The following CAMTA1 variants were observed in gnomAD, a reference collection of about 807,000 sequenced individuals.
CAMTA1 encodes the protein calmodulin binding transcription activator 1.
Under a neutral mutation model 170.9 loss-of-function variants are expected in CAMTA1, and 27 were observed. That is an observed-to-expected ratio of 0.16 (90% confidence interval 0.12 to 0.22). CAMTA1 has a LOEUF of 0.22. Among genes scored for constraint, CAMTA1 ranks in the 10% least tolerant of loss-of-function variants. The probability of loss-of-function intolerance (pLI) is 1.00; values close to 1 mark genes in which losing one functional copy is unlikely to be tolerated. For synonymous variants in CAMTA1, 833 were observed against 891.5 expected (o/e 0.93, Z 1.17); for missense variants, 1,619 against 2,217.2 (o/e 0.73, Z 5.42).
chr1:7,538,349 G>A (rs1374878305), intron 6 of CAMTA1, among the ~76,000 whole-genome samples: 1 of 148,266 alleles, frequency 6.7e-6, no homozygotes, highest in Non-Finnish European at 1.5e-5. Flanking sequence ...AAGGAGTTAT[G>A]TATTCTTTTC....
chr1:7,507,338 G>T (rs1332570823), intron 6 of CAMTA1, among the ~76,000 whole-genome samples: 9 of 152,104 alleles, frequency 5.9e-5, no homozygotes, highest in Admixed American at 5.9e-4. Flanking sequence ...CTGCCTCCTG[G>T]CTGCTCTGAT....
chr1:6,989,886 G>C (rs527255560), intron 3 of CAMTA1, among the ~76,000 whole-genome samples: 1 of 152,182 alleles, frequency 6.6e-6, no homozygotes, highest in Non-Finnish European at 1.5e-5. Flanking sequence ...TGAGTCCTGG[G>C]CTGGAGGAAT....
Position 7,565,340 on chromosome 1 carries a change from G to A in CAMTA1, c.511-75060G>A, listed in dbSNP as rs542712030. ...GTGAGGCAGGCTGTGGGGCAGTGGG[G>A]TGAGTCTCTGAGCAGGGGCAGAAGG... is the stretch of plus-strand genomic sequence containing the variant. On this transcript the variant is annotated intron_variant, in intron 6 of 22. Transcript: ENST00000303635. This position sits in a 1 kb window ranked among gnomAD's most constrained non-coding sequence, Gnocchi z 4.5. Among the ~76,000 whole-genome samples, 4 of 152,318 alleles carry A rather than the reference G, an allele frequency of 2.6e-5. No homozygotes were observed. The East Asian group carries it at 7.7e-4, about 29-fold the overall frequency.
At chr1:6,935,370 A>C (rs1473496162) in intron 3 of CAMTA1, among the ~76,000 whole-genome samples, 1 of 152,086 alleles carries the variant, frequency 6.6e-6, no homozygotes, top group African/African-American at 2.4e-5. Context: ...GTCCAGATTT[A>C]TTACCCTGGC....
intron 6 of CAMTA1, among the ~76,000 whole-genome samples, chr1:7,594,295 A>G (rs558154144): frequency 4.1e-4 from 62 of 152,202 alleles, no homozygotes; most frequent in Non-Finnish European, 8.1e-4. Context: ...GCACAGAAGC[A>G]GCCTTTTAAG....
chr1:7,240,131 T>C (rs916005520), intron 4 of CAMTA1, among the ~76,000 whole-genome samples: 1 of 152,212 alleles, frequency 6.6e-6, no homozygotes, highest in African/African-American at 2.4e-5. Context: ...TCAGCCACCA[T>C]TGATGATCCA....
At chr1:6,955,674 G>T (rs1219515373) in intron 3 of CAMTA1, among the ~76,000 whole-genome samples, 1 of 152,148 alleles carries the variant, frequency 6.6e-6, no homozygotes, top group Non-Finnish European at 1.5e-5. Context: ...TGCTGTGCCC[G>T]GTCCCTAGCT....
intron 5 of CAMTA1, among the ~76,000 whole-genome samples, chr1:7,279,435 C>T (rs560103591): frequency 4.6e-5 from 7 of 152,050 alleles, no homozygotes; most frequent in Admixed American, 3.3e-4. Flanking sequence ...GCAGATGGCC[C>T]GGGTCTTGGA....
chr1:7,413,875 A>T (rs2090972167), intron 5 of CAMTA1, among the ~76,000 whole-genome samples: 1 of 152,168 alleles, frequency 6.6e-6, no homozygotes, highest in African/African-American at 2.4e-5. Flanking sequence ...CCCATTCAGT[A>T]TGATATTGGC....
rs1013064532 is a variant in CAMTA1 at position 7,286,316 on chromosome 1, A to T, written c.438+36690A>T. Among the ~76,000 whole-genome samples the T allele has an allele frequency of 6.6e-6, 1 of 152,176 alleles. No individual in the cohort carries two copies. Among genetic ancestry groups the T allele is most frequent in the Non-Finnish European group, 1.5e-5 (1 of 68,034 alleles). ...GCCAGGGTGTGCCACGTGCTTTTAGAGCTGCCCCAGCAACGATTCTTGATT... is the reference window on the plus strand; with the variant it reads ...GCCAGGGTGTGCCACGTGCTTTTAGTGCTGCCCCAGCAACGATTCTTGATT... On this transcript the variant is annotated intron_variant, in intron 5 of 22. Coordinates refer to ENST00000303635, the MANE Select transcript of CAMTA1 (RefSeq NM_015215.4). The surrounding 1 kb of genome is among the most constrained non-coding windows in gnomAD (Gnocchi z 4.2).
rs1553291545 is a variant in CAMTA1 at position 7,257,076 on chromosome 1, C to CAG, written c.438+7450_438+7451insAG. ...CCCACTTCCACATACCATCGCATGGCGGGGGCGGGGGTTGGTTTTCATCAT... is the reference window on the plus strand; with the variant it reads ...CCCACTTCCACATACCATCGCATGGCAGGGGGGCGGGGGTTGGTTTTCATCAT... On this transcript the variant is annotated intron_variant, in intron 5 of 22. Coordinates refer to ENST00000303635, the MANE Select transcript of CAMTA1 (RefSeq NM_015215.4). Among the ~76,000 whole-genome samples, 59 of 135,212 alleles carry CAG rather than the reference C, an allele frequency of 4.4e-4. 2 individuals carry two copies. The highest frequency in any genetic ancestry group is 4.1e-3 in the Middle Eastern group (1 of 244). The allele number at this position is 135,212 out of a possible 152,430, so 88.7% of individuals were successfully genotyped here.
At chr1:7,618,908 A>G (rs968774938) in intron 6 of CAMTA1, among the ~76,000 whole-genome samples, 3 of 152,038 alleles carry the variant, frequency 2.0e-5, no homozygotes, top group Admixed American at 2.0e-4. Flanking sequence ...TAATCCAGAA[A>G]TGCTTTATTC....
In CAMTA1 at chr1:7,463,176, C is replaced by T. The variant is rs796850593; in HGVS notation, c.439-4654C>T. On this transcript the variant is annotated intron_variant, in intron 5 of 22. Coordinates refer to ENST00000303635, the MANE Select transcript of CAMTA1 (RefSeq NM_015215.4). This position sits in a 1 kb window ranked among gnomAD's most constrained non-coding sequence, Gnocchi z 4.7. The stretch of plus-strand genomic sequence containing the variant: ...TGACCTTCAGGCCCCATCTGCTCCC[C>T]GGGGCTCCATGCCCTAAGCATGCTC... 9.2e-5 allele frequency among the ~76,000 whole-genome samples: 14 copies of T among 152,122 alleles called. 2 individuals are homozygous for T. The highest frequency in any genetic ancestry group is 2.7e-4 in the African/African-American group (11 of 41,398).
chr1:7,486,601 G>C (rs80042390), intron 6 of CAMTA1, among the ~76,000 whole-genome samples: 4 of 152,208 alleles, frequency 2.6e-5, no homozygotes, highest in African/African-American at 9.7e-5. Context: ...CTGACTTCCA[G>C]GGTGGTCTCT....
intron 6 of CAMTA1, among the ~76,000 whole-genome samples, chr1:7,542,466 C>T (rs1160512769): frequency 6.6e-6 from 1 of 152,016 alleles, no homozygotes; most frequent in Non-Finnish European, 1.5e-5. Context: ...GACAGAGTCT[C>T]ACTTTGTTGC....
chr1:7,081,743 C>A (rs188478120), intron 3 of CAMTA1, among the ~76,000 whole-genome samples: 2 of 152,200 alleles, frequency 1.3e-5, no homozygotes, highest in East Asian at 3.8e-4. Flanking sequence ...AGCTTCTCAG[C>A]GCCAAGCAGT....
chr1:7,739,891 A>G (rs1055620903), intron 16 of CAMTA1, among the ~76,000 whole-genome samples: 14 of 152,220 alleles, frequency 9.2e-5, no homozygotes, highest in Admixed American at 7.9e-4. Flanking sequence ...TATGGGAGCT[A>G]CAATTCAAGA....
At chr1:7,243,241 A>G (rs1387592595) in intron 4 of CAMTA1, among the ~76,000 whole-genome samples, 1 of 152,190 alleles carries the variant, frequency 6.6e-6, no homozygotes, top group Non-Finnish European at 1.5e-5. Context: ...TTCCTTTCAA[A>G]TAAACTTTAC....
At chr1:6,870,771 T>C (rs1472878100) in intron 3 of CAMTA1, among the ~76,000 whole-genome samples, 1 of 152,228 alleles carries the variant, frequency 6.6e-6, no homozygotes, top group Non-Finnish European at 1.5e-5. Flanking sequence ...CTTTGTAGAA[T>C]CTGCTGTCTA....
Sources: allele counts gnomAD v4.1 joint callset (sites outside exome capture counted in the v4.1 genomes callset), GRCh38; gene constraint gnomAD v4.1.1; non-coding constraint Gnocchi (gnomAD v3.1); transcripts MANE v1.5; gene names NCBI Gene and HGNC (gene_info 2026-07-23, HGNC 2026-07-21).